Variants in DPP10 observed in about 807,000 individuals in gnomAD.
DPP10 encodes dipeptidyl peptidase like 10.
Under a neutral mutation model 120.9 loss-of-function variants are expected in DPP10, and 33 were observed. The ratio of observed to expected loss-of-function variants is 0.27; its 90% CI spans 0.21 to 0.37. The LOEUF (loss-of-function observed/expected upper bound fraction) is 0.37, where lower values mean the gene tolerates loss of function less well. Among genes scored for constraint, DPP10 ranks in the 10% least tolerant of loss-of-function variants. DPP10 has a pLI of 1.00. For missense variants in DPP10, 816 were observed against 942.8 expected (o/e 0.87, Z 1.76); for synonymous variants, 337 against 326.1 (o/e 1.03, Z -0.36).
At chr2:114,578,887 T>G (rs1400540592) in intron 1 of DPP10, among the ~76,000 whole-genome samples, 3 of 152,220 alleles carry the variant, frequency 2.0e-5, no homozygotes, top group Non-Finnish European at 4.4e-5. Flanking sequence ...CTTTTACATT[T>G]AACTCAAAAC....
chr2:114,659,420 T>G (rs1697226886), intron 1 of DPP10, among the ~76,000 whole-genome samples: 1 of 152,164 alleles, frequency 6.6e-6, no homozygotes, highest in African/African-American at 2.4e-5. Flanking sequence ...TTGCATTGGC[T>G]GCACATTGCC....
At chr2:115,112,056 C>G (rs967008052) in intron 1 of DPP10, among the ~76,000 whole-genome samples, 7 of 151,918 alleles carry the variant, frequency 4.6e-5, no homozygotes, top group African/African-American at 1.5e-4. Flanking sequence ...TTCTAATCAG[C>G]CTTTGTATGT....
chr2:115,063,895 A>G (rs1409355101), intron 1 of DPP10, among the ~76,000 whole-genome samples: 1 of 152,176 alleles, frequency 6.6e-6, no homozygotes, highest in African/African-American at 2.4e-5. Flanking sequence ...TTATGTATAT[A>G]AGGTTTTATG....
chr2:115,245,877 A>G (rs907521514), intron 1 of DPP10, among the ~76,000 whole-genome samples: 2 of 152,182 alleles, frequency 1.3e-5, no homozygotes, highest in Admixed American at 1.3e-4. Flanking sequence ...AAAGTTTGGC[A>G]TTAATTAAAT....
Position 115,727,833 on chromosome 2 carries a change from T to C in DPP10, c.594T>C (p.Asn198=). The change falls in exon 8 of 26, where the codon AAT becomes AAC. Residue 198 remains asparagine, a synonymous_variant. Transcript: ENST00000410059. ...QGQQLIYIFE[N]NIYYQPDIKS... Reference sequence around the variant, plus strand: ...TGATCCAGATTTATATTTTTGAAAATAATATCTACTATCAACCTGATATAA... The same window carrying C: ...TGATCCAGATTTATATTTTTGAAAACAATATCTACTATCAACCTGATATAA... The C allele has an allele frequency of 6.3e-7, 1 of 1,585,580 alleles. No homozygotes were observed. Among genetic ancestry groups the C allele is most frequent in the Non-Finnish European group, 8.5e-7 (1 of 1,170,746 alleles).
intron 3 of DPP10, among the ~76,000 whole-genome samples, chr2:115,434,106 A>G (rs1450786386): frequency 1.3e-5 from 2 of 152,040 alleles, no homozygotes; most frequent in South Asian, 2.1e-4. Context: ...TACTATACAT[A>G]TATGAGTAAT....
chr2:114,918,767 G>T (rs1694986242), intron 1 of DPP10, among the ~76,000 whole-genome samples: 2 of 152,080 alleles, frequency 1.3e-5, no homozygotes, highest in South Asian at 4.2e-4. Context: ...ACACAAAGAG[G>T]GGATCAATAG....
At chr2:115,526,113 A>G (rs1226330941) in intron 5 of DPP10, 141 bp downstream of exon 5, 1 of 571,010 alleles carries the variant, frequency 1.8e-6, no homozygotes, top group East Asian at 3.1e-5. Flanking sequence ...ACTACTTTGC[A>G]CAAAAGATGT....
intron 3 of DPP10, among the ~76,000 whole-genome samples, chr2:115,473,856 A>G (rs1219980915): frequency 6.6e-6 from 1 of 152,156 alleles, no homozygotes; most frequent in Non-Finnish European, 1.5e-5. Context: ...CAATGACTGG[A>G]GTCTGGTTTA....
intron 1 of DPP10, among the ~76,000 whole-genome samples, chr2:114,466,706 A>G (rs1558783207): frequency 6.6e-6 from 1 of 152,214 alleles, no homozygotes; most frequent in Non-Finnish European, 1.5e-5. Context: ...TCTTATTATT[A>G]TCATCCATAA....
intron 1 of DPP10, among the ~76,000 whole-genome samples, chr2:114,578,570 G>A (rs532191600): frequency 2.6e-5 from 4 of 152,192 alleles, no homozygotes; most frequent in Non-Finnish European, 4.4e-5. Context: ...CTGGCACTGG[G>A]TTGCTCAAAT....
At chr2:115,196,290 G>A (rs965131342) in intron 1 of DPP10, among the ~76,000 whole-genome samples, 5 of 152,178 alleles carry the variant, frequency 3.3e-5, no homozygotes, top group Non-Finnish European at 7.3e-5. Context: ...GACATTAAAC[G>A]TTTAACAGGA....
At position 115,820,794 on chromosome 2, in the gene DPP10, G is replaced by GGTGTGT. The variant is rs763942579; in HGVS notation, c.1950+5069_1950+5070insGTGTGT. ...TTTTTATGGCTGAGTAGTATTCCATGGTGTATGTGTGTGTGTGTGTGTGTG... is the reference window on the plus strand; with the variant it reads ...TTTTTATGGCTGAGTAGTATTCCATGGTGTGTGTGTATGTGTGTGTGTGTGTGTGTG... On this transcript the variant is annotated intron_variant, in intron 21 of 25. Coordinates refer to ENST00000410059, the MANE Select transcript of DPP10 (RefSeq NM_020868.6). Among the ~76,000 whole-genome samples the GGTGTGT allele has an allele frequency of 2.7e-3, 307 of 112,732 alleles. 2 individuals are homozygous for GGTGTGT. The highest frequency in any genetic ancestry group is 7.6e-3 in the African/African-American group (255 of 33,724). 74.0% of individuals were successfully genotyped at this position (112,732 alleles called of 152,430 possible). A position where few individuals can be genotyped will look rare whatever the true frequency, so the allele number is the denominator to read the frequency against.
At chr2:115,612,131 A>G (rs2084148452) in intron 5 of DPP10, among the ~76,000 whole-genome samples, 1 of 152,178 alleles carries the variant, frequency 6.6e-6, no homozygotes, top group Admixed American at 6.5e-5. Flanking sequence ...ATAATAGGAC[A>G]TGTGTCTAAC....
At chr2:115,286,019 T>C (rs1275956544) in intron 1 of DPP10, among the ~76,000 whole-genome samples, 1 of 149,944 alleles carries the variant, frequency 6.7e-6, no homozygotes. Context: ...TTAGCTCTAA[T>C]AAATAAAGTG....
At chr2:114,975,652 CATTT>C (rs1699706935) in intron 1 of DPP10, among the ~76,000 whole-genome samples, 1 of 151,850 alleles carries the variant, frequency 6.6e-6, no homozygotes, top group Non-Finnish European at 1.5e-5. Context: ...TTTATTTATT[CATTT>C]ATTTATTTAT....
chr2:114,543,880 T>TTGGTGG (rs59925890), intron 1 of DPP10, among the ~76,000 whole-genome samples: 1 of 151,258 alleles, frequency 6.6e-6, no homozygotes, highest in Non-Finnish European at 1.5e-5. Context: ...TTTTTTGTTG[T>TTGGTGG]TGGTGGTGGT....
intron 3 of DPP10, among the ~76,000 whole-genome samples, chr2:115,421,683 T>C (rs1717047): frequency 0.64 from 96,429 of 151,488 alleles, 31,356 homozygotes; most frequent in Middle Eastern, 0.73. Flanking sequence ...CCATCCTGGC[T>C]AACATGGTGA....
At chr2:114,899,390 A>G (rs1043344497) in intron 1 of DPP10, among the ~76,000 whole-genome samples, 8 of 152,228 alleles carry the variant, frequency 5.3e-5, no homozygotes, top group South Asian at 2.1e-4. Flanking sequence ...TTGTACAACT[A>G]TCACATATAA....
Sources: allele counts gnomAD v4.1 joint callset (sites outside exome capture counted in the v4.1 genomes callset), GRCh38; gene constraint gnomAD v4.1.1; transcripts MANE v1.5; gene names NCBI Gene and HGNC (gene_info 2026-07-23, HGNC 2026-07-21).